The following RAD51B variants were observed in gnomAD, a reference collection of about 807,000 sequenced individuals.
RAD51B encodes the protein DNA repair protein RAD51 homolog 2.
RAD51B carries 38 observed loss-of-function variants against 42.2 expected under a neutral mutation model. The ratio of observed to expected loss-of-function variants is 0.90; its 90% CI spans 0.70 to 1.18. The LOEUF is 1.18. RAD51B is among the 50% of genes most tolerant of loss of function. The pLI is 0.00. For missense variants in RAD51B, 373 were observed against 400.7 expected (o/e 0.93, Z 0.59); for synonymous variants, 154 against 145.2 (o/e 1.06, Z -0.43).
chr14:68,117,214 A>T (rs1171889482), intron 7 of RAD51B, among the ~76,000 whole-genome samples: 1 of 152,134 alleles, frequency 6.6e-6, no homozygotes, highest in Non-Finnish European at 1.5e-5. Flanking sequence ...ATATATATTC[A>T]TATAGTTTTA....
At chr14:68,223,820 A>G (rs2079979000) in intron 7 of RAD51B, among the ~76,000 whole-genome samples, 1 of 152,162 alleles carries the variant, frequency 6.6e-6, no homozygotes, top group African/African-American at 2.4e-5. Flanking sequence ...GAAAACAACA[A>G]ATAACCCCTG....
intron 7 of RAD51B, among the ~76,000 whole-genome samples, chr14:67,918,267 C>T (rs1430547101): frequency 6.6e-6 from 1 of 152,160 alleles, no homozygotes; most frequent in Non-Finnish European, 1.5e-5. Flanking sequence ...TGGAGTCTCA[C>T]TCTGTTGCCC....
At chr14:68,610,843 A>ATGTGTGTGTGTGTGTGTGTG (rs60173412) in intron 10 of RAD51B, among the ~76,000 whole-genome samples, 8 of 144,994 alleles carry the variant, frequency 5.5e-5, no homozygotes, top group South Asian at 4.6e-4. Flanking sequence ...CTGAATGTAT[A>ATGTGTGTGTGTGTGTGTGTG]TGTGTGTGTG....
At chr14:67,945,992 G>C (rs1244381481) in intron 7 of RAD51B, among the ~76,000 whole-genome samples, 3 of 152,142 alleles carry the variant, frequency 2.0e-5, no homozygotes, top group African/African-American at 7.2e-5. Flanking sequence ...TCCAGTTCAG[G>C]ATTGTGGAAA....
chr14:68,629,310 G>A (rs1892171055), intron 10 of RAD51B, among the ~76,000 whole-genome samples: 1 of 152,198 alleles, frequency 6.6e-6, no homozygotes, highest in African/African-American at 2.4e-5. Context: ...TGCTGCTGCA[G>A]AGGAGGAGTT....
intron 10 of RAD51B, among the ~76,000 whole-genome samples, chr14:68,623,544 TGC>T (rs1441317654): frequency 1.3e-5 from 2 of 152,222 alleles, no homozygotes; most frequent in Non-Finnish European, 2.9e-5. Context: ...TGCCAAGCTG[TGC>T]CCTGGCATGG....
rs368560650 is a variant in RAD51B, at chr14:67,995,109, C to T, written c.756+107905C>T. ...ATTTGGAGTATAAGACACACTCGGC[C>T]GGGCATGGTTGCTCACACCTGTAAT... On this transcript the variant is annotated intron_variant, in intron 7 of 10. Coordinates refer to ENST00000471583, the MANE Select transcript of RAD51B (RefSeq NM_133510.4). 1.1e-3 allele frequency among the ~76,000 whole-genome samples: 173 copies of T among 152,146 alleles called. 1 individual carries two copies. The South Asian group carries it at 0.034, about 30-fold the overall frequency.
intron 8 of RAD51B, among the ~76,000 whole-genome samples, chr14:68,323,617 C>T (rs2082195877): frequency 6.6e-6 from 1 of 152,188 alleles, no homozygotes; most frequent in South Asian, 2.1e-4. Context: ...AATGGTGAAA[C>T]CCCATCTCTA....
intron 8 of RAD51B, among the ~76,000 whole-genome samples, chr14:68,336,789 C>A (rs886972385): frequency 4.6e-5 from 7 of 152,282 alleles, no homozygotes; most frequent in Admixed American, 3.9e-4. Flanking sequence ...GACACCAACC[C>A]ATTCAATGGT....
chr14:67,876,022 T>A (rs1453948658), intron 5 of RAD51B, among the ~76,000 whole-genome samples: 4 of 152,188 alleles, frequency 2.6e-5, no homozygotes, highest in Admixed American at 1.3e-4. Flanking sequence ...CCAGCTGCCT[T>A]ATCATTTGTG....
chr14:68,353,097 C>G (rs1390050330), intron 8 of RAD51B, among the ~76,000 whole-genome samples: 1 of 152,194 alleles, frequency 6.6e-6, no homozygotes, highest in Non-Finnish European at 1.5e-5. Context: ...AAACAGCCCC[C>G]TCTGGGCCTC....
chr14:68,557,370 A>G (rs1888908341), intron 10 of RAD51B, among the ~76,000 whole-genome samples: 2 of 152,232 alleles, frequency 1.3e-5, no homozygotes, highest in Admixed American at 1.3e-4. Context: ...CTACTTTATA[A>G]TAAAGTAGGG....
rs78124053 is a variant in RAD51B, at chr14:68,428,140, G to T, written c.957+16613G>T. Reference sequence around the variant, plus strand: ...GACTTTCCAGCATACAGGACTATGAGAAATAAATTTCTGTTCATTATAAAT... The same window carrying T: ...GACTTTCCAGCATACAGGACTATGATAAATAAATTTCTGTTCATTATAAAT... On this transcript the variant is annotated intron_variant, in intron 9 of 10. Coordinates refer to ENST00000471583, the MANE Select transcript of RAD51B (RefSeq NM_133510.4). 8.2e-3 allele frequency among the ~76,000 whole-genome samples: 1,248 copies of T among 152,264 alleles called. 15 individuals are homozygous for T. The highest frequency in any genetic ancestry group is 0.028 in the African/African-American group (1,173 of 41,546).
At chr14:68,582,878 T>C (rs954767847) in intron 10 of RAD51B, among the ~76,000 whole-genome samples, 10 of 152,144 alleles carry the variant, frequency 6.6e-5, no homozygotes, top group African/African-American at 2.4e-4. Context: ...CTGGAAACCA[T>C]TATTCTCAGC....
At chr14:67,997,039 A>G (rs1444065313) in intron 7 of RAD51B, among the ~76,000 whole-genome samples, 2 of 152,154 alleles carry the variant, frequency 1.3e-5, no homozygotes, top group Non-Finnish European at 2.9e-5. Flanking sequence ...GATGGGAAGG[A>G]AGGCTGTGGG....
intron 10 of RAD51B, among the ~76,000 whole-genome samples, chr14:68,645,077 A>G (rs756483436): frequency 3.9e-5 from 6 of 152,236 alleles, no homozygotes; most frequent in Non-Finnish European, 7.3e-5. Context: ...TTGTGCAACC[A>G]TCACCACCAT....
intron 8 of RAD51B, among the ~76,000 whole-genome samples, chr14:68,325,607 C>T (rs1244877872): frequency 1.3e-5 from 2 of 150,802 alleles, no homozygotes; most frequent in South Asian, 2.1e-4. Context: ...TGTTCCATTT[C>T]CCCTTTTTCT....
intron 7 of RAD51B, among the ~76,000 whole-genome samples, chr14:68,121,064 T>C (rs966977432): frequency 2.6e-5 from 4 of 152,216 alleles, no homozygotes; most frequent in Non-Finnish European, 5.9e-5. Flanking sequence ...GAATGGGTTA[T>C]AGGGAAGTTA....
At chr14:68,515,226 G>A (rs932280510) in intron 10 of RAD51B, among the ~76,000 whole-genome samples, 1 of 151,938 alleles carries the variant, frequency 6.6e-6, no homozygotes, top group African/African-American at 2.4e-5. Flanking sequence ...TCATACAAAG[G>A]TTATGGGGAG....
Sources: allele counts gnomAD v4.1 joint callset (sites outside exome capture counted in the v4.1 genomes callset), GRCh38; gene constraint gnomAD v4.1.1; transcripts MANE v1.5; gene names NCBI Gene and HGNC (gene_info 2026-07-23, HGNC 2026-07-21).